Variants in NR3C2 observed in about 807,000 individuals in gnomAD.
NR3C2 encodes the protein mineralocorticoid receptor.
NR3C2 carries 15 observed loss-of-function variants against 86.4 expected under a neutral mutation model. The observed-to-expected ratio is 0.17, with a 90% CI of 0.12 to 0.27. The LOEUF is 0.27. Among genes scored for constraint, NR3C2 ranks in the 10% least tolerant of loss-of-function variants. The probability of loss-of-function intolerance (pLI) is 1.00; values close to 1 mark genes in which losing one functional copy is unlikely to be tolerated. For synonymous variants in NR3C2, 458 were observed against 450.5 expected, an observed-to-expected ratio of 1.02 and a Z score of -0.21; for missense variants, 960 against 1,195.6, an observed-to-expected ratio of 0.80 and a Z score of 2.91.
At chr4:148,259,879 CT>C (rs2149871574) in intron 3 of NR3C2, 98 bp downstream of exon 3, 1 of 1,467,270 alleles carries the variant, frequency 6.8e-7, no homozygotes, top group South Asian at 1.2e-5. Flanking sequence ...AATCAAAAAT[CT>C]TTTTGAAGAA....
intron 2 of NR3C2, among the ~76,000 whole-genome samples, chr4:148,346,902 G>T (rs1745025945): frequency 6.6e-6 from 1 of 152,112 alleles, no homozygotes; most frequent in African/African-American, 2.4e-5. Flanking sequence ...AGAGTAAAAA[G>T]AAGCACTAAT....
rs140082497 is a variant in NR3C2 at position 148,282,059 on chromosome 4, T to C, written c.1758-21942A>G. ...ATATTTATTTATTTTTGAGACAGAG[T>C]CTCGCTGTTGTCCAGGCTAGAGTGC... On this transcript the variant is annotated intron_variant, in intron 2 of 8. Coordinates refer to ENST00000358102, the MANE Select transcript of NR3C2 (RefSeq NM_000901.5). 2.6e-3 allele frequency among the ~76,000 whole-genome samples: 403 copies of C among 152,294 alleles called. 2 individuals carry two copies. Among genetic ancestry groups the C allele is most frequent in the African/African-American group, 9.2e-3 (382 of 41,562 alleles).
At chr4:148,189,216 A>T (rs916861530) in intron 4 of NR3C2, among the ~76,000 whole-genome samples, 1 of 152,158 alleles carries the variant, frequency 6.6e-6, no homozygotes, top group Non-Finnish European at 1.5e-5. Context: ...GGCATGAGCC[A>T]GTATGCCCAG....
At chr4:148,227,116 G>A (rs189764826) in intron 3 of NR3C2, among the ~76,000 whole-genome samples, 208 of 151,774 alleles carry the variant, frequency 1.4e-3, no homozygotes, top group Non-Finnish European at 1.2e-3. Context: ...ATATTTCATC[G>A]GTTGTCCACC....
intron 2 of NR3C2, among the ~76,000 whole-genome samples, chr4:148,339,680 T>G (rs1292744583): frequency 2.0e-5 from 3 of 152,058 alleles, no homozygotes; most frequent in Non-Finnish European, 2.9e-5. Context: ...GAAAAAAAAG[T>G]CCTTTCACTG....
chr4:148,352,881 T>C (rs1286319595), intron 2 of NR3C2, among the ~76,000 whole-genome samples: 3 of 152,132 alleles, frequency 2.0e-5, no homozygotes, highest in African/African-American at 7.2e-5. Context: ...GATTTAAAGA[T>C]GTAAAGTAGC....
chr4:148,310,388 G>C (rs576870984), intron 2 of NR3C2, among the ~76,000 whole-genome samples: 78 of 152,182 alleles, frequency 5.1e-4, no homozygotes, highest in Non-Finnish European at 9.7e-4. Context: ...ACAAATGCAA[G>C]TGAACCTTTA....
chr4:148,165,320 T>C (rs1288725744), intron 4 of NR3C2, among the ~76,000 whole-genome samples: 1 of 152,146 alleles, frequency 6.6e-6, no homozygotes, highest in East Asian at 1.9e-4. Flanking sequence ...GCTAAGGAAG[T>C]TGCCTAAATT....
chr4:148,365,602 TG>T (rs1746074238), intron 2 of NR3C2, among the ~76,000 whole-genome samples: 1 of 151,392 alleles, frequency 6.6e-6, no homozygotes, highest in Admixed American at 6.6e-5. Context: ...TACAGTAATA[TG>T]CTGCTTTATT....
intron 3 of NR3C2, among the ~76,000 whole-genome samples, chr4:148,244,219 T>C (rs1307840946): frequency 1.3e-5 from 2 of 152,196 alleles, no homozygotes; most frequent in East Asian, 3.8e-4. Context: ...AGTGTACATA[T>C]TGGCTTCTTG....
At chr4:148,412,231 C>T (rs1748743294) in intron 2 of NR3C2, among the ~76,000 whole-genome samples, 6 of 152,172 alleles carry the variant, frequency 3.9e-5, no homozygotes. Context: ...CCGCTGCAGA[C>T]ATCAGTGGGT....
chr4:148,439,290 A>C (rs556679850), intron 1 of NR3C2, among the ~76,000 whole-genome samples: 36 of 152,356 alleles, frequency 2.4e-4, no homozygotes, highest in African/African-American at 8.2e-4. Flanking sequence ...TATATAGCTA[A>C]GGTATAAATG....
At chr4:148,099,919 C>T (rs1731459384) in intron 8 of NR3C2, among the ~76,000 whole-genome samples, 1 of 152,174 alleles carries the variant, frequency 6.6e-6, no homozygotes, top group Admixed American at 6.5e-5. Context: ...AAAGATCACC[C>T]TGTGGCAGCA....
intron 2 of NR3C2, among the ~76,000 whole-genome samples, chr4:148,425,216 T>C (rs1749468930): frequency 6.6e-6 from 1 of 152,204 alleles, no homozygotes; most frequent in East Asian, 1.9e-4. Context: ...CAATATTTAC[T>C]GAACATGAAC....
intron 4 of NR3C2, among the ~76,000 whole-genome samples, chr4:148,176,183 G>C (rs1455969343): frequency 1.3e-5 from 2 of 152,158 alleles, no homozygotes; most frequent in African/African-American, 4.8e-5. Flanking sequence ...GCATTTCCTA[G>C]TATCTTTTAC....
intron 3 of NR3C2, among the ~76,000 whole-genome samples, chr4:148,205,174 G>C (rs1046062167): frequency 6.6e-6 from 1 of 152,186 alleles, no homozygotes; most frequent in African/African-American, 2.4e-5. Flanking sequence ...ACCCAGATGA[G>C]AGCAGATATT....
intron 2 of NR3C2, among the ~76,000 whole-genome samples, chr4:148,426,390 A>G (rs1749532070): frequency 6.6e-6 from 1 of 152,188 alleles, no homozygotes; most frequent in South Asian, 2.1e-4. Flanking sequence ...CAAAGACAAA[A>G]AGGCAGGATT....
At chr4:148,227,865 A>G (rs936149732) in intron 3 of NR3C2, among the ~76,000 whole-genome samples, 3 of 152,166 alleles carry the variant, frequency 2.0e-5, no homozygotes, top group Non-Finnish European at 4.4e-5. Context: ...CTGGAGCCCC[A>G]GTATATTGCT....
intron 2 of NR3C2, among the ~76,000 whole-genome samples, chr4:148,349,870 C>T (rs984936659): frequency 5.3e-5 from 8 of 151,926 alleles, no homozygotes; most frequent in Admixed American, 2.6e-4. Context: ...TACAGTTTAC[C>T]GCTCCCAAGG....
Sources: gnomAD v4.1 joint callset for allele counts (sites outside exome capture counted in the v4.1 genomes callset) on GRCh38, gnomAD v4.1.1 for gene constraint, MANE v1.5 for transcripts, NCBI Gene and HGNC (gene_info 2026-07-23, HGNC 2026-07-21) for gene names.